Variants in KIF24 observed in about 807,000 individuals in gnomAD.
KIF24 encodes the protein kinesin family member 24.
In KIF24, 81 loss-of-function variants were observed where a neutral mutation model predicts 118.9. The observed-to-expected ratio is 0.68, with a 90% CI of 0.57 to 0.82. The LOEUF (loss-of-function observed/expected upper bound fraction) is 0.82. KIF24 is among the 40% of genes least tolerant of loss of function. The pLI, the probability that KIF24 is intolerant of heterozygous loss-of-function variation, is 0.00. For synonymous variants in KIF24, 599 were observed against 610.0 expected (o/e 0.98, Z 0.27); for missense variants, 1,560 against 1,661.6 (o/e 0.94, Z 1.06).
intron 4 of KIF24, among the ~76,000 whole-genome samples, chr9:34,290,891 C>T (rs1836232425): frequency 6.6e-6 from 1 of 152,112 alleles, no homozygotes; most frequent in African/African-American, 2.4e-5. Flanking sequence ...TGAGCCACCA[C>T]ACCCAGCCTG....
At position 34,254,252 on chromosome 9, in the gene KIF24, G is replaced by T; in HGVS notation, c.*128C>A. The T allele has an allele frequency of 1.8e-6, 2 of 1,084,784 alleles. No homozygotes were observed. Among genetic ancestry groups the T allele is most frequent in the Non-Finnish European group, 2.5e-6 (2 of 793,470 alleles). 67.2% of individuals were successfully genotyped at this position (1,084,784 alleles called of 1,614,324 possible). On this transcript the variant is annotated 3_prime_UTR_variant, in exon 13 of 13. Coordinates refer to ENST00000402558, the MANE Select transcript of KIF24 (RefSeq NM_194313.4). ...TGAAGCCACGTGGGGCTGGGGTGACGCTAGCATAGGCAGGACCAGCGTGTG... is the reference window on the plus strand; with the variant it reads ...TGAAGCCACGTGGGGCTGGGGTGACTCTAGCATAGGCAGGACCAGCGTGTG...
Position 34,323,014 on chromosome 9 carries a change from T to G in KIF24, c.-26+6092A>C, listed in dbSNP as rs1345070927. Among the ~76,000 whole-genome samples, 4 of 152,172 alleles carry G rather than the reference T, an allele frequency of 2.6e-5. No homozygotes were observed. The South Asian group carries it at 6.2e-4, about 24-fold the overall frequency. On this transcript the variant is annotated intron_variant, in intron 1 of 12. Coordinates refer to ENST00000402558, the MANE Select transcript of KIF24 (RefSeq NM_194313.4). ...AGATTAAAGGGTGAAAAATGTAGTATACACTTTTCCCCCTACAAGGGAACT... is the reference window on the plus strand; with the variant it reads ...AGATTAAAGGGTGAAAAATGTAGTAGACACTTTTCCCCCTACAAGGGAACT...
At chr9:34,300,256 C>A (rs1260542549) in intron 3 of KIF24, among the ~76,000 whole-genome samples, 1 of 152,030 alleles carries the variant, frequency 6.6e-6, no homozygotes, top group Non-Finnish European at 1.5e-5. Context: ...ATTTTAAGAA[C>A]ACTAAAATAT....
rs1298574392 is a variant in KIF24 at position 34,257,375 on chromosome 9, C to T, written c.2232G>A (p.Arg744=). ...SQDSQRGTPA[R]PASEAWTNIP... ...TGTTTGTCCAAGCTTCAGAGGCAGG[C>T]CTAGCAGGCGTGCCCCTCTGGCTGT... The change falls in exon 11 of 13, where the codon AGG becomes AGA. Residue 744 remains arginine (R), a synonymous_variant. Transcript: ENST00000402558. 2 of 1,614,060 alleles carry T rather than the reference C, an allele frequency of 1.2e-6. No homozygotes were observed. The highest frequency in any genetic ancestry group is 1.7e-6 in the Non-Finnish European group (2 of 1,179,902).
chr9:34,255,120 A>G lies in KIF24; in HGVS notation c.3918T>C (p.Ala1306=). 1 of 1,596,032 alleles carries G rather than the reference A, an allele frequency of 6.3e-7. No individual in the cohort carries two copies. Among genetic ancestry groups the G allele is most frequent in the Non-Finnish European group, 8.5e-7 (1 of 1,171,036 alleles). The change falls in exon 12 of 13, where the codon GCT becomes GCC. Residue 1306 remains alanine (A), a synonymous_variant. Transcript: ENST00000402558. ...GCGTCTCCTCCTTGAAGCCGAGCTC[A>G]GCCATTTCATCCAGCTGTTCCTGGT... ...RAHQEQLDEM[A]ELGFKEETLM...
upstream of KIF24, among the ~76,000 whole-genome samples, chr9:34,331,537 A>G (rs942165912): frequency 1.3e-5 from 2 of 152,220 alleles, no homozygotes; most frequent in Non-Finnish European, 2.9e-5. Flanking sequence ...TACCAGACAG[A>G]TGCAGGGGCA....
In KIF24 at chr9:34,257,397, C is replaced by T. The variant is rs756421624; in HGVS notation, c.2210G>A (p.Ser737Asn). ...AHHRAEYSQDSQRGTPARPAS... is the reference protein window; with the variant it reads ...AHHRAEYSQDNQRGTPARPAS... Reference sequence around the variant, plus strand: ...AGGCCTAGCAGGCGTGCCCCTCTGGCTGTCTTGACTGTACTCAGCCCTGTG... The same window carrying T: ...AGGCCTAGCAGGCGTGCCCCTCTGGTTGTCTTGACTGTACTCAGCCCTGTG... Residue 737 changes from serine to asparagine, a missense_variant, in exon 11 of 13, where the codon AGC (serine) becomes AAC (asparagine). By Grantham distance (46) the Ser-to-Asn change is conservative. Around this residue, in one of 3 missense-constraint regions of KIF24, gnomAD observed 964 missense variants for 988.0 expected, o/e 0.98. Coordinates refer to ENST00000402558, the MANE Select transcript of KIF24 (RefSeq NM_194313.4). 1 of 1,614,072 alleles carries T rather than the reference C, an allele frequency of 6.2e-7. No homozygotes were observed.
At chr9:34,263,919 C>G (rs1835188164) in intron 8 of KIF24, among the ~76,000 whole-genome samples, 3 of 151,794 alleles carry the variant, frequency 2.0e-5, no homozygotes, top group Non-Finnish European at 4.4e-5. Context: ...GTCTGTGGCC[C>G]AAAGGCAAAG....
At chr9:34,328,969 G>A (rs1173251655) in intron 1 of KIF24, among the ~76,000 whole-genome samples, 137 bp downstream of exon 1, 2 of 152,300 alleles carry the variant, frequency 1.3e-5, no homozygotes, top group African/African-American at 4.8e-5. Context: ...GAGCCAAGAG[G>A]GGCCAACTCT....
chr9:34,284,835 A>G (rs1042005139), intron 6 of KIF24, among the ~76,000 whole-genome samples: 1 of 152,126 alleles, frequency 6.6e-6, no homozygotes, highest in East Asian at 1.9e-4. Context: ...TATACTGTAC[A>G]TACTTAGGTT....
intron 6 of KIF24, among the ~76,000 whole-genome samples, chr9:34,284,268 T>C (rs1835957106): frequency 6.6e-6 from 1 of 151,980 alleles, no homozygotes; most frequent in Non-Finnish European, 1.5e-5. Flanking sequence ...CAAGACCCTG[T>C]CTCTAGAAAA....
chr9:34,311,789 C>CACATATATAT (rs1300148410), intron 1 of KIF24, among the ~76,000 whole-genome samples: 8 of 142,124 alleles, frequency 5.6e-5, no homozygotes, highest in African/African-American at 1.8e-4. Flanking sequence ...CATATATATA[C>CACATATATAT]ACACACATAT....
rs763247285 is a variant in KIF24 at position 34,257,739 on chromosome 9, G to A, written c.1868C>T (p.Ala623Val). The A allele has an allele frequency of 9.9e-6, 16 of 1,613,906 alleles. No homozygotes were observed. The highest frequency in any genetic ancestry group is 1.3e-5 in the Non-Finnish European group (15 of 1,179,894). ...SHPPNIPFTS[A>V]PKVSGKRGGS... ...ACCCCTTTTACCAGAGACCTTAGGTGCAGAAGTAAAAGGAATGTTGGGTGG... is the reference window on the plus strand; with the variant it reads ...ACCCCTTTTACCAGAGACCTTAGGTACAGAAGTAAAAGGAATGTTGGGTGG... Residue 623 changes from alanine to valine, a missense_variant, in exon 11 of 13, where the codon GCA becomes GTA. This residue lies in a region of KIF24 where 964 missense variants were observed against 988.0 expected (regional missense o/e 0.98). Transcript: ENST00000402558.
chr9:34,268,787 C>T (rs1046908110), intron 8 of KIF24, among the ~76,000 whole-genome samples: 8 of 152,158 alleles, frequency 5.3e-5, no homozygotes, highest in East Asian at 1.9e-4. Context: ...GGATTATAGG[C>T]GTGAGCCACC....
In KIF24 at chr9:34,306,283, T is replaced by C; in HGVS notation, c.782A>G (p.Glu261Gly). 6.2e-7 allele frequency: 1 copy of C among 1,608,558 alleles called. No homozygotes were observed. Among genetic ancestry groups the C allele is most frequent in the Non-Finnish European group, 8.5e-7 (1 of 1,177,000 alleles). Residue 261 changes from glutamate (E) to glycine (G), a missense_variant, in exon 3 of 13, where the codon GAA becomes GGA. Around this residue, in one of 3 missense-constraint regions of KIF24, gnomAD observed 964 missense variants for 988.0 expected, o/e 0.98. Transcript: ENST00000402558. ...KETLLVHEKK[E>G]AVDLTQYILQ... ...AATATATTGAGTGAGGTCAACTGCT[T>C]CTTTCTTCTCATGCACAAGTAGAGT... is the stretch of plus-strand genomic sequence containing the variant.
upstream of KIF24, among the ~76,000 whole-genome samples, chr9:34,330,678 G>T (rs185572798): frequency 1.5e-4 from 23 of 152,128 alleles, no homozygotes; most frequent in East Asian, 4.4e-3. Context: ...AAAAATGGTA[G>T]CGGCCGGGCG....
At chr9:34,298,343 T>C (rs915920392) in intron 3 of KIF24, among the ~76,000 whole-genome samples, 4 of 151,980 alleles carry the variant, frequency 2.6e-5, no homozygotes, top group African/African-American at 7.3e-5. Flanking sequence ...GTCAGGAGTT[T>C]GAGACCAGCC....
rs1055846836 is a variant in KIF24 at position 34,319,169 on chromosome 9, G to A, written c.-25-7798C>T. Reference sequence around the variant, plus strand: ...CAATGAGAAGGAAAAGCTGCAAATCGTGGAGATGCCCCTGGCCCACAAGCT... The same window carrying A: ...CAATGAGAAGGAAAAGCTGCAAATCATGGAGATGCCCCTGGCCCACAAGCT... On this transcript the variant is annotated intron_variant, in intron 1 of 12. Transcript: ENST00000402558. 1.9e-5 allele frequency: 31 copies of A among 1,603,076 alleles called. No individual in the cohort carries two copies. The South Asian group carries it at 2.0e-4, about 10-fold the overall frequency.
intron 1 of KIF24, among the ~76,000 whole-genome samples, chr9:34,320,012 C>A (rs1231397295): frequency 6.6e-6 from 1 of 152,110 alleles, no homozygotes; most frequent in Non-Finnish European, 1.5e-5. Context: ...GGGGGGTCAG[C>A]CAGCCCTCTT....
Sources: allele counts gnomAD v4.1 joint callset (sites outside exome capture counted in the v4.1 genomes callset), GRCh38; gene constraint gnomAD v4.1.1; regional missense constraint gnomAD v4.1.1; transcripts MANE v1.5; gene names NCBI Gene and HGNC (gene_info 2026-07-23, HGNC 2026-07-21).